Variants in FUT8 observed in about 807,000 individuals in gnomAD.
The protein encoded by FUT8 is alpha-(1,6)-fucosyltransferase.
FUT8 carries 29 observed loss-of-function variants against 71.3 expected under a neutral mutation model. The observed-to-expected ratio is 0.41, with a 90% CI of 0.30 to 0.55. The LOEUF (loss-of-function observed/expected upper bound fraction) is 0.55, where lower values mean the gene tolerates loss of function less well. Among genes scored for constraint, FUT8 ranks in the 20% least tolerant of loss-of-function variants. FUT8 has a pLI of 0.34. For missense variants in FUT8, 544 were observed against 702.1 expected (o/e 0.77, Z 2.55); for synonymous variants, 254 against 239.3 (o/e 1.06, Z -0.57).
intron 1 of FUT8, among the ~76,000 whole-genome samples, chr14:65,451,992 G>C (rs1253012489): frequency 6.6e-6 from 1 of 152,140 alleles, no homozygotes; most frequent in Non-Finnish European, 1.5e-5. Flanking sequence ...TGAGGGTGAG[G>C]TTATGCTGGG....
At chr14:65,570,117 A>C (rs912913506) in intron 3 of FUT8, among the ~76,000 whole-genome samples, 1 of 152,084 alleles carries the variant, frequency 6.6e-6, no homozygotes, top group African/African-American at 2.4e-5. Context: ...GCAGGACTTC[A>C]TCCTGTAAAT....
At chr14:65,649,587 T>G (rs960179068) in intron 6 of FUT8, among the ~76,000 whole-genome samples, 2 of 152,192 alleles carry the variant, frequency 1.3e-5, no homozygotes, top group African/African-American at 4.8e-5. Context: ...AAAATGGAAA[T>G]AAAGCTGAAC....
chr14:65,688,520 CAAAAAAAAAAAAA>C (rs34293733), intron 7 of FUT8, among the ~76,000 whole-genome samples: 3 of 55,122 alleles, frequency 5.4e-5, no homozygotes, highest in African/African-American at 1.5e-4. Context: ...ATCCACATGC[CAAAAAAAAAAAAA>C]AAAAAAAAAA....
intron 6 of FUT8, among the ~76,000 whole-genome samples, chr14:65,661,772 G>A (rs1022935873): frequency 6.6e-6 from 1 of 152,210 alleles, no homozygotes; most frequent in Non-Finnish European, 1.5e-5. Context: ...AGTAGTAGAA[G>A]AACGCCTATG....
intron 2 of FUT8, chr14:65,529,427 T>A (rs1224197770): frequency 1.3e-5 from 2 of 152,320 alleles, no homozygotes; most frequent in East Asian, 3.9e-4. Context: ...GAGACGGGGT[T>A]TCACCATGTT....
At chr14:65,396,180 C>T in the FUT8 span, among the ~76,000 whole-genome samples, 30 of 152,286 alleles carry the variant, frequency 2.0e-4, no homozygotes, top group East Asian at 3.9e-3. The surrounding 1 kb of genome is among the most constrained non-coding windows in gnomAD (Gnocchi z 5.5). Flanking sequence ...CCCACATTTT[C>T]GTCTTCTTCT....
At chr14:65,390,299 G>A in the FUT8 span, among the ~76,000 whole-genome samples, 1 of 148,530 alleles carries the variant, frequency 6.7e-6, no homozygotes, top group Admixed American at 6.7e-5. Context: ...CTCCAGCCTG[G>A]CGACAAAGCG....
chr14:65,617,223 G>T, intron 5 of FUT8: 2 of 1,493,452 alleles, frequency 1.3e-6, no homozygotes, highest in South Asian at 1.4e-5. Context: ...AACATCAGCA[G>T]CAATATTATA....
chr14:65,531,953 A>AT lies in FUT8; in HGVS notation c.-227-29375dup, dbSNP rs560575152. On this transcript the variant is annotated intron_variant, in intron 2 of 10. Transcript: ENST00000673929. ...ATGTTACTGCAAAGTACATGATCTC[A>AT]TTTTTTTTTATGACTGCATAGTGTT... Among the ~76,000 whole-genome samples the AT allele has an allele frequency of 7.1e-3, 1,068 of 151,174 alleles. 4 individuals are homozygous for AT. The highest frequency in any genetic ancestry group is 0.011 in the Non-Finnish European group (757 of 67,710).
chr14:65,574,542 C>A lies in FUT8; in HGVS notation c.203+12776C>A, dbSNP rs182667060. 3.3e-5 allele frequency among the ~76,000 whole-genome samples: 5 copies of A among 152,282 alleles called. No homozygotes were observed. Among genetic ancestry groups the A allele is most frequent in the Non-Finnish European group, 5.9e-5 (4 of 68,024 alleles). The stretch of plus-strand genomic sequence containing the variant: ...TATTCAGAAGTTAAGTGATTTGCCT[C>A]ACACCACATAGTAAGTGCTAAAACC... On this transcript the variant is annotated intron_variant, in intron 3 of 10. Transcript: ENST00000673929. The surrounding 1 kb of genome is among the most constrained non-coding windows in gnomAD (Gnocchi z 5.2).
At chr14:65,441,594 A>AC (rs1566749243) in intron 1 of FUT8, among the ~76,000 whole-genome samples, 1 of 150,796 alleles carries the variant, frequency 6.6e-6, no homozygotes, top group East Asian at 1.9e-4. Context: ...CACACACACA[A>AC]AAAAAAAAAT....
At chr14:65,402,719 C>G in the FUT8 span, among the ~76,000 whole-genome samples, 1 of 152,064 alleles carries the variant, frequency 6.6e-6, no homozygotes, top group Non-Finnish European at 1.5e-5. Context: ...ATGCTGGTCT[C>G]CAACTCCTGG....
chr14:65,682,748 A>G (rs1594893359), intron 7 of FUT8, among the ~76,000 whole-genome samples: 1 of 152,212 alleles, frequency 6.6e-6, no homozygotes, highest in East Asian at 1.9e-4. Context: ...TGAATTATGT[A>G]GAAGAGTGCA....
chr14:65,716,061 G>A (rs1016582509), intron 7 of FUT8, among the ~76,000 whole-genome samples: 2 of 151,934 alleles, frequency 1.3e-5, no homozygotes, highest in African/African-American at 4.8e-5. Context: ...GTCTGTCCTT[G>A]TAATACTATC....
At chr14:65,602,929 A>G (rs922147306) in intron 3 of FUT8, among the ~76,000 whole-genome samples, 1 of 151,382 alleles carries the variant, frequency 6.6e-6, no homozygotes, top group African/African-American at 2.4e-5. Context: ...GTTTGCAGAG[A>G]TTTTTTTCCC....
chr14:65,732,156 C>G (rs1022685388), intron 9 of FUT8, among the ~76,000 whole-genome samples: 45 of 152,148 alleles, frequency 3.0e-4, no homozygotes, highest in Admixed American at 2.9e-3. Flanking sequence ...AATAATGAGG[C>G]CAGATGGATT....
At chr14:65,419,042 A>G (rs988388188) in intron 1 of FUT8, among the ~76,000 whole-genome samples, 1 of 152,170 alleles carries the variant, frequency 6.6e-6, no homozygotes, top group African/African-American at 2.4e-5. Context: ...CAGCCTGACC[A>G]ACATGGAGAA....
chr14:65,632,121 T>C (rs1890217671), intron 6 of FUT8, among the ~76,000 whole-genome samples: 1 of 152,222 alleles, frequency 6.6e-6, no homozygotes. Context: ...CTTTATTCAC[T>C]CGTTGATTGA....
At chr14:65,458,547 T>C (rs2065927696) in intron 2 of FUT8, among the ~76,000 whole-genome samples, 1 of 152,144 alleles carries the variant, frequency 6.6e-6, no homozygotes, top group Admixed American at 6.5e-5. Context: ...GTTATAGAAA[T>C]AAAAAGGTCT....
Sources: gnomAD v4.1 joint callset for allele counts (sites outside exome capture counted in the v4.1 genomes callset) on GRCh38, gnomAD v4.1.1 for gene constraint, Gnocchi (gnomAD v3.1) non-coding constraint, MANE v1.5 for transcripts, NCBI Gene and HGNC (gene_info 2026-07-23, HGNC 2026-07-21) for gene names.